The following HMGXB3 variants were observed in gnomAD, a reference collection of about 807,000 sequenced individuals.
HMGXB3 encodes the protein HMG domain-containing protein 3.
In HMGXB3, 45 loss-of-function variants were observed where a neutral mutation model predicts 121.5. The ratio of observed to expected loss-of-function variants is 0.37; its 90% CI spans 0.29 to 0.47. The LOEUF is 0.47. Among genes scored for constraint, HMGXB3 ranks in the 20% least tolerant of loss-of-function variants. The pLI is 0.99. For synonymous variants in HMGXB3, 590 were observed against 624.1 expected (o/e 0.95, Z 0.81); for missense variants, 1,376 against 1,602.2 (o/e 0.86, Z 2.41).
chr5:150,008,646 G>A (rs1755763809), intron 3 of HMGXB3, among the ~76,000 whole-genome samples: 1 of 152,238 alleles, frequency 6.6e-6, no homozygotes, highest in Non-Finnish European at 1.5e-5. Flanking sequence ...CTCCTTAGCA[G>A]CCCTTCAGGT....
At position 150,012,253 on chromosome 5, in the gene HMGXB3, A is replaced by G; in HGVS notation, c.811-2A>G. On this transcript the variant is annotated splice_acceptor_variant, in intron 4 of 19. Coordinates refer to ENST00000502717, the MANE Select transcript of HMGXB3 (RefSeq NM_014983.3). LOFTEE classifies it high-confidence loss of function. ...AACTGTCCTTCTCTTCATTGCCCAT[A>G]GGATTCCAGTGAGAGTAGCTCCTCT... 1 of 1,549,620 alleles carries G rather than the reference A, an allele frequency of 6.5e-7. No homozygotes were observed.
chr5:150,023,954 C>T (rs1439687616), intron 6 of HMGXB3, among the ~76,000 whole-genome samples: 2 of 152,200 alleles, frequency 1.3e-5, no homozygotes, highest in African/African-American at 4.8e-5. Flanking sequence ...TAATGTAAAA[C>T]TAAATGTAAA....
At position 150,027,069 on chromosome 5, in the gene HMGXB3, G is replaced by A. The variant is rs1756249696; in HGVS notation, c.1686G>A (p.Lys562=). The A allele has an allele frequency of 1.3e-6, 2 of 1,551,626 alleles. No individual in the cohort carries two copies. Among genetic ancestry groups the A allele is most frequent in the African/African-American group, 2.7e-5 (2 of 73,058 alleles). ...GTGGTCTGAAGCCAAGCACACTGAA[G>A]CAGCTGGGCCAGCCCATTCAACAGC... ...RTCGLKPSTL[K]QLGQPIQQPS... Residue 562 remains lysine (K), a synonymous_variant, in exon 9 of 20, where the codon AAG becomes AAA. Coordinates refer to ENST00000502717, the MANE Select transcript of HMGXB3 (RefSeq NM_014983.3).
chr5:150,047,837 T>C (rs1756795545), intron 17 of HMGXB3, 80 bp downstream of exon 17: 1 of 1,459,032 alleles, frequency 6.9e-7, no homozygotes, highest in Non-Finnish European at 9.4e-7. Flanking sequence ...GGGATATGAA[T>C]ATCTGTGATG....
rs75657424 is a variant in HMGXB3, at chr5:150,010,713, G to C, written c.810+105G>C. On this transcript the variant is annotated intron_variant, in intron 4 of 19. Coordinates refer to ENST00000502717, the MANE Select transcript of HMGXB3 (RefSeq NM_014983.3). ...AGAGCAGTGGTAATCAAGAGTACTG[G>C]TGTGGCACTTACTGATACTGCAGTT... 3,764 of 1,121,464 alleles carry C rather than the reference G, an allele frequency of 3.4e-3. 8 individuals are homozygous for C. The highest frequency in any genetic ancestry group is 4.0e-3 in the Non-Finnish European group (3,179 of 800,012). The allele number at this position is 1,121,464 out of a possible 1,614,324, so 69.5% of individuals were successfully genotyped here.
chr5:150,001,975 T>TC (rs1488297893), intron 1 of HMGXB3, among the ~76,000 whole-genome samples: 1 of 152,232 alleles, frequency 6.6e-6, no homozygotes, highest in African/African-American at 2.4e-5. Flanking sequence ...AACTACTGCT[T>TC]CCCTTATCCT....
chr5:150,034,454 G>A (rs12523182), intron 11 of HMGXB3, among the ~76,000 whole-genome samples: 25,458 of 151,910 alleles, frequency 0.17, 2,636 homozygotes, highest in Admixed American at 0.27. Flanking sequence ...AGCTATTTGC[G>A]CGGTTTGCAG....
intron 6 of HMGXB3, among the ~76,000 whole-genome samples, chr5:150,018,950 T>C (rs1017268263): frequency 2.0e-5 from 3 of 152,164 alleles, no homozygotes; most frequent in South Asian, 2.1e-4. Flanking sequence ...AGTCTTTTTT[T>C]CTGTGAATAA....
In HMGXB3 at chr5:150,001,145, G is replaced by C. The variant is rs987570557; in HGVS notation, c.-37G>C. On this transcript the variant is annotated 5_prime_UTR_variant, in exon 1 of 20. Coordinates refer to ENST00000502717, the MANE Select transcript of HMGXB3 (RefSeq NM_014983.3). ...CCAGCCGCCGGGCCAAGCGCCTCCG[G>C]GAATGTGAGCGGCGCAGCTTGCACG... 5 of 153,522 alleles carry C rather than the reference G, an allele frequency of 3.3e-5. No homozygotes were observed. The highest frequency in any genetic ancestry group is 1.2e-4 in the African/African-American group (5 of 41,510). 9.5% of individuals were successfully genotyped at this position (153,522 alleles called of 1,614,324 possible).
intron 1 of HMGXB3, among the ~76,000 whole-genome samples, chr5:150,004,096 A>T (rs1433701084): frequency 1.3e-5 from 2 of 151,738 alleles, no homozygotes; most frequent in Non-Finnish European, 2.9e-5. Flanking sequence ...CTGGCCTCAA[A>T]CTCCTGGCCT....
At chr5:150,031,470 A>G (rs114291331) in intron 10 of HMGXB3, among the ~76,000 whole-genome samples, 2,632 of 152,350 alleles carry the variant, frequency 0.017, 66 homozygotes, top group African/African-American at 0.06. Context: ...CTAGCATGCC[A>G]TATGCCACTG....
intron 5 of HMGXB3, chr5:150,015,163 A>G (rs1370836896): frequency 6.6e-6 from 2 of 305,166 alleles, no homozygotes; most frequent in Non-Finnish European, 1.2e-5. Flanking sequence ...GGGCACGATG[A>G]CAGTCGTTAT....
rs1756921290 is a variant in HMGXB3, at chr5:150,052,039, A to G, written c.3726A>G (p.Glu1242=). The change falls in exon 20 of 20, where the codon GAA becomes GAG. Residue 1242 remains glutamate (E), a synonymous_variant. Transcript: ENST00000502717. ...NRLMDFLTSR[E]IVNRQIHDIV... is the part of the protein sequence containing the mutation. The stretch of plus-strand genomic sequence containing the variant: ...TCATGGACTTCCTCACCAGCCGCGA[A>G]ATTGTCAATCGTCAGATCCATGACA... 1 of 1,552,084 alleles carries G rather than the reference A, an allele frequency of 6.4e-7. No homozygotes were observed. The highest frequency in any genetic ancestry group is 8.7e-7 in the Non-Finnish European group (1 of 1,147,070).
chr5:150,050,487 A>G (rs1009556558), intron 19 of HMGXB3, 26 bp downstream of exon 19: 39 of 1,501,562 alleles, frequency 2.6e-5, no homozygotes, highest in Non-Finnish European at 3.4e-5. Flanking sequence ...AGGAACTGCC[A>G]TGTCTCCTCA....
Position 150,045,651 on chromosome 5 carries a change from G to A in HMGXB3, c.2916G>A (p.Glu972=). Residue 972 remains glutamate, a synonymous_variant, in exon 16 of 20, where the codon GAG becomes GAA. Coordinates refer to ENST00000502717, the MANE Select transcript of HMGXB3 (RefSeq NM_014983.3). ...GAGGAGCTGTGGTCGTCAACACTGA[G>A]AAAGACAAAAACCTGGATGTGCAGC... ...LMRGAVVVNT[E]KDKNLDVQPV... 6.4e-7 allele frequency: 1 copy of A among 1,551,730 alleles called. No individual in the cohort carries two copies. The highest frequency in any genetic ancestry group is 8.7e-7 in the Non-Finnish European group (1 of 1,146,998).
chr5:150,012,056 A>G (rs1234415171), intron 4 of HMGXB3, among the ~76,000 whole-genome samples, 199 bp from the exon 5 acceptor site: 1 of 152,250 alleles, frequency 6.6e-6, no homozygotes, highest in Admixed American at 6.5e-5. Context: ...AAATAAACAT[A>G]GCACACTTCC....
At chr5:150,037,376 T>TG in intron 12 of HMGXB3, 24 bp from the exon 13 acceptor site, 1 of 1,508,190 alleles carries the variant, frequency 6.6e-7, no homozygotes, top group Non-Finnish European at 8.9e-7. Flanking sequence ...TCTTTTTTTT[T>TG]GTTGGTGATG....
In HMGXB3 at chr5:150,051,930, C is replaced by T; in HGVS notation, c.3617C>T (p.Ser1206Phe). The change falls in exon 20 of 20, where the codon TCC becomes TTC. Residue 1206 changes from serine (S) to phenylalanine (F), a missense_variant. Physicochemically the swap from Ser to Phe is radical, Grantham distance 155. Around this residue, in one of 2 missense-constraint regions of HMGXB3, gnomAD observed 260 missense variants for 233.2 expected, o/e 1.11. Transcript: ENST00000502717. ...ELAPYATILA[S>F]IVDSKPNGVR... ...GCACCTTACGCAACCATCCTGGCCTCCATCGTGGACAGCAAACCAAACGGT... is the reference window on the plus strand; with the variant it reads ...GCACCTTACGCAACCATCCTGGCCTTCATCGTGGACAGCAAACCAAACGGT... 3 of 1,552,284 alleles carry T rather than the reference C, an allele frequency of 1.9e-6. No homozygotes were observed. The highest frequency in any genetic ancestry group is 2.4e-5 in the South Asian group (2 of 84,066).
chr5:150,048,558 T>A lies in HMGXB3; in HGVS notation c.3085-11T>A. 1 of 1,537,694 alleles carries A rather than the reference T, an allele frequency of 6.5e-7. No individual in the cohort carries two copies. The highest frequency in any genetic ancestry group is 8.8e-7 in the Non-Finnish European group (1 of 1,134,002). ...CGCCCTTATGTTTTTAATCTTGTCC[T>A]TCTACTCCAGGACCAGCTCTGCTTC... On this transcript the variant is annotated splice_polypyrimidine_tract_variant and intron_variant, in intron 17 of 19. Coordinates refer to ENST00000502717, the MANE Select transcript of HMGXB3 (RefSeq NM_014983.3).
Sources: gnomAD v4.1 joint callset for allele counts (sites outside exome capture counted in the v4.1 genomes callset) on GRCh38, gnomAD v4.1.1 for gene constraint, gnomAD v4.1.1 regional missense constraint, MANE v1.5 for transcripts, NCBI Gene and HGNC (gene_info 2026-07-23, HGNC 2026-07-21) for gene names.